The following DYNC2H1 variants were observed in gnomAD, a reference collection of about 807,000 sequenced individuals.
DYNC2H1 encodes the protein dynein cytoplasmic 2 heavy chain 1, also known as cytoplasmic dynein 2 heavy chain 1.
In DYNC2H1, 410 loss-of-function variants were observed where a neutral mutation model predicts 570.0. The ratio of observed to expected loss-of-function variants is 0.72; its 90% CI spans 0.66 to 0.78. The LOEUF is 0.78. DYNC2H1 is among the 30% of genes least tolerant of loss of function. The probability of loss-of-function intolerance (pLI) is 0.00; values close to 1 mark genes in which losing one functional copy is unlikely to be tolerated. For synonymous variants in DYNC2H1, 1,688 were observed against 1,677.6 expected, an observed-to-expected ratio of 1.01 and a Z score of -0.15; for missense variants, 4,865 against 5,046.4, an observed-to-expected ratio of 0.96 and a Z score of 1.09.
intron 84 of DYNC2H1, among the ~76,000 whole-genome samples, chr11:103,425,950 A>G (rs1339050936): frequency 1.9e-5 from 2 of 104,042 alleles, no homozygotes; most frequent in Non-Finnish European, 1.9e-5. Flanking sequence ...ACTGGCCATA[A>G]ACAAAATCTC....
chr11:103,155,563 C>A, intron 25 of DYNC2H1, 62 bp downstream of exon 25: 1 of 1,471,538 alleles, frequency 6.8e-7, no homozygotes, highest in Non-Finnish European at 9.0e-7. Context: ...AATATTGCTT[C>A]ATATTTTGTT....
intron 85 of DYNC2H1, among the ~76,000 whole-genome samples, chr11:103,453,615 CATATATATATATAT>C (rs66628059): frequency 1.5e-4 from 21 of 136,608 alleles, no homozygotes; most frequent in African/African-American, 5.5e-4. Context: ...TTAGTTTAGA[CATATATATATATAT>C]ATATATATAT....
intron 57 of DYNC2H1, among the ~76,000 whole-genome samples, chr11:103,221,413 GACAATTTTC>G (rs1863583194): frequency 1.3e-5 from 2 of 152,314 alleles, no homozygotes; most frequent in South Asian, 4.1e-4. Flanking sequence ...AAAGGAGTCA[GACAATTTTC>G]TTGCATATCC....
intron 84 of DYNC2H1, among the ~76,000 whole-genome samples, chr11:103,427,125 TATTAATAGA>T (rs1281248649): frequency 6.6e-6 from 1 of 152,018 alleles, no homozygotes; most frequent in African/African-American, 2.4e-5. Flanking sequence ...TTTGAGAAAA[TATTAATAGA>T]AATTATAACC....
Position 103,468,659 on chromosome 11 carries a change from C to T in DYNC2H1, c.12719C>T (p.Pro4240Leu). The T allele has an allele frequency of 6.2e-7, 1 of 1,613,650 alleles. No homozygotes were observed. The highest frequency in any genetic ancestry group is 8.5e-7 in the Non-Finnish European group (1 of 1,179,694). ...NQLSENQLDS[P>L]SVSSVLPCFM... ...CTTTCTGAAAATCAGCTTGATTCTC[C>T]CAGCGTGTCATCAGTGCTCCCTTGT... Residue 4240 changes from proline (P) to leucine (L), a missense_variant, in exon 88 of 89, where the codon CCC becomes CTC. Around this residue, in one of 5 missense-constraint regions of DYNC2H1, gnomAD observed 2,401 missense variants for 2,454.6 expected, o/e 0.98. Coordinates refer to ENST00000375735, the MANE Select transcript of DYNC2H1 (RefSeq NM_001377.3).
Position 103,109,692 on chromosome 11 carries a change from A to G in DYNC2H1, c.118A>G (p.Asn40Asp). Residue 40 changes from asparagine (N) to aspartate (D), a missense_variant, in exon 1 of 89, where the codon AAC (asparagine) becomes GAC (aspartate). This residue lies in a region of DYNC2H1 where 1,936 missense variants were observed against 1,962.1 expected (regional missense o/e 0.99). Transcript: ENST00000375735. ...QPLLCNCLEI[N>D]NFLDDGNQML... Reference sequence around the variant, plus strand: ...ACTGTTGTGCAACTGTCTTGAAATCAACAACTTCTTGGATGACGGCAACCA... The same window carrying G: ...ACTGTTGTGCAACTGTCTTGAAATCGACAACTTCTTGGATGACGGCAACCA... 1 of 1,613,888 alleles carries G rather than the reference A, an allele frequency of 6.2e-7. No individual in the cohort carries two copies. Among genetic ancestry groups the G allele is most frequent in the Non-Finnish European group, 8.5e-7 (1 of 1,179,872 alleles).
rs1238382187 is a variant in DYNC2H1 at position 103,305,921 on chromosome 11, G to T, written c.11382+1201G>T. Among the ~76,000 whole-genome samples the T allele has an allele frequency of 6.6e-6, 1 of 151,728 alleles. No individual in the cohort carries two copies. Among genetic ancestry groups the T allele is most frequent in the Non-Finnish European group, 1.5e-5 (1 of 67,874 alleles). ...ATAAATCATATATGTTTTGTTTTGGGTTTTTTTTGAGACAGAATCTTGCTC... is the reference window on the plus strand; with the variant it reads ...ATAAATCATATATGTTTTGTTTTGGTTTTTTTTTGAGACAGAATCTTGCTC... On this transcript the variant is annotated intron_variant, in intron 77 of 88. Coordinates refer to ENST00000375735, the MANE Select transcript of DYNC2H1 (RefSeq NM_001377.3). This position sits in a 1 kb window ranked among gnomAD's most constrained non-coding sequence, Gnocchi z 4.3.
intron 47 of DYNC2H1, among the ~76,000 whole-genome samples, chr11:103,195,282 A>G (rs1349471459): frequency 6.6e-6 from 1 of 152,162 alleles, no homozygotes; most frequent in Non-Finnish European, 1.5e-5. Context: ...TTTTCCTTAA[A>G]AGTTTATAGT....
chr11:103,214,796 T>A (rs1863314687), intron 54 of DYNC2H1, among the ~76,000 whole-genome samples: 1 of 151,742 alleles, frequency 6.6e-6, no homozygotes, highest in African/African-American at 2.4e-5. Context: ...TCCCTTTTTT[T>A]TTTTTTTTCC....
chr11:103,139,657 G>A lies in DYNC2H1; in HGVS notation c.2575-3611G>A, dbSNP rs867124316. ...CAACTATGTGGTCAATTTTGGAATA[G>A]GTGTGGTGTGGTGTTGAAAAAAATG... On this transcript the variant is annotated intron_variant, in intron 17 of 88. Coordinates refer to ENST00000375735, the MANE Select transcript of DYNC2H1 (RefSeq NM_001377.3). Among the ~76,000 whole-genome samples, 555 of 151,938 alleles carry A rather than the reference G, an allele frequency of 3.7e-3. 2 individuals carry two copies. Among genetic ancestry groups the A allele is most frequent in the Middle Eastern group, 6.8e-3 (2 of 294 alleles).
chr11:103,358,007 T>C (rs1940435706), intron 82 of DYNC2H1, among the ~76,000 whole-genome samples: 1 of 152,186 alleles, frequency 6.6e-6, no homozygotes, highest in African/African-American at 2.4e-5. Context: ...GCCATTATAG[T>C]ATACAATTTA....
chr11:103,311,303 T>C (rs1306384898), intron 78 of DYNC2H1, among the ~76,000 whole-genome samples: 2 of 152,156 alleles, frequency 1.3e-5, no homozygotes, highest in Non-Finnish European at 2.9e-5. Flanking sequence ...ATGACAGATA[T>C]GATACATATG....
chr11:103,347,479 G>A (rs1336962910), intron 82 of DYNC2H1, among the ~76,000 whole-genome samples: 1 of 151,570 alleles, frequency 6.6e-6, no homozygotes, highest in African/African-American at 2.4e-5. Context: ...TAAATAACAC[G>A]TGGTCTGGGA....
Position 103,277,451 on chromosome 11 carries a change from G to A in DYNC2H1, c.10696-2897G>A, listed in dbSNP as rs1865957910. On this transcript the variant is annotated intron_variant, in intron 70 of 88. Transcript: ENST00000375735. This position sits in a 1 kb window ranked among gnomAD's most constrained non-coding sequence, Gnocchi z 4.3. ...TTTTCAGAAGCGCTGTATACTTCTG[G>A]GATGTTTAGTCCCTTCTTACATTCT... Among the ~76,000 whole-genome samples the A allele has an allele frequency of 6.6e-6, 1 of 151,846 alleles. No individual in the cohort carries two copies. The highest frequency in any genetic ancestry group is 1.9e-4 in the East Asian group (1 of 5,186).
At chr11:103,197,414 T>A (rs1441789001) in intron 47 of DYNC2H1, among the ~76,000 whole-genome samples, 9 of 151,982 alleles carry the variant, frequency 5.9e-5, no homozygotes, top group Admixed American at 2.6e-4. Context: ...CAGGTAGAGT[T>A]TGATATTGCA....
chr11:103,479,238 C>G lies in DYNC2H1; in HGVS notation c.12909C>G (p.Phe4303Leu), dbSNP rs191971137. ...DQWIQCGAAL[F>L]LKNQ ...GGATTCAGTGTGGAGCAGCTCTATT[C>G]CTAAAAAATCAGTAGAATCTAATGA... Residue 4303 changes from phenylalanine (F) to leucine (L), a missense_variant, in exon 89 of 89, where the codon TTC (phenylalanine) becomes TTG (leucine). Phe to Leu is a conservative substitution (Grantham distance 22). Around this residue, in one of 5 missense-constraint regions of DYNC2H1, gnomAD observed 2,401 missense variants for 2,454.6 expected, o/e 0.98. Coordinates refer to ENST00000375735, the MANE Select transcript of DYNC2H1 (RefSeq NM_001377.3). The G allele has an allele frequency of 6.2e-7, 1 of 1,611,118 alleles. No homozygotes were observed. The highest frequency in any genetic ancestry group is 8.5e-7 in the Non-Finnish European group (1 of 1,178,618).
chr11:103,174,279 T>C, intron 36 of DYNC2H1, 109 bp downstream of exon 36: 1 of 783,450 alleles, frequency 1.3e-6, no homozygotes, highest in Non-Finnish European at 1.9e-6. Flanking sequence ...TAAGGATTAC[T>C]GTATACCCTG....
In DYNC2H1 at chr11:103,234,160, G is replaced by A; in HGVS notation, c.9567G>A (p.Gln3189=). The A allele has an allele frequency of 6.3e-7, 1 of 1,584,162 alleles. No homozygotes were observed. The highest frequency in any genetic ancestry group is 1.3e-5 in the African/African-American group (1 of 74,442). ...GAGAACATAAGAGATGGAATGCACA[G>A]GTTTGTTTGAGAGAGGGGCCATGAG... ...LDREHKRWNA[Q]VVEITEELAT... is the part of the protein sequence containing the mutation. The change falls in exon 61 of 89, where the codon CAG becomes CAA. Residue 3189 remains glutamine (Q), a splice_region_variant and synonymous_variant. Transcript: ENST00000375735.
intron 21 of DYNC2H1, among the ~76,000 whole-genome samples, chr11:103,152,828 T>C (rs926773128): frequency 2.0e-5 from 3 of 152,126 alleles, no homozygotes; most frequent in African/African-American, 7.2e-5. Context: ...AAAGGCAGCA[T>C]CTGTCTTTTA....
Sources: gnomAD v4.1 joint callset for allele counts (sites outside exome capture counted in the v4.1 genomes callset) on GRCh38, gnomAD v4.1.1 for gene constraint, gnomAD v4.1.1 regional missense constraint, Gnocchi (gnomAD v3.1) non-coding constraint, MANE v1.5 for transcripts, NCBI Gene and HGNC (gene_info 2026-07-23, HGNC 2026-07-21) for gene names.